Variants in DYM observed in about 807,000 individuals in gnomAD.
DYM encodes the protein dyggve-Melchior-Clausen syndrome protein.
In DYM, 78 loss-of-function variants were observed where a neutral mutation model predicts 93.1. The ratio of observed to expected loss-of-function variants is 0.84; its 90% CI spans 0.70 to 1.01. The LOEUF is 1.01. Among genes scored for constraint, DYM ranks in the 50% least tolerant of loss-of-function variants. The pLI is 0.00. For missense variants in DYM, 789 were observed against 845.0 expected (o/e 0.93, Z 0.82); for synonymous variants, 321 against 319.7 (o/e 1.00, Z -0.04).
chr18:49,045,212 TGAAA>T (rs890111178), intron 17 of DYM, among the ~76,000 whole-genome samples: 3 of 152,128 alleles, frequency 2.0e-5, no homozygotes, highest in African/African-American at 7.2e-5. Flanking sequence ...AAGAGGGGGC[TGAAA>T]GAGAGGAAAC....
intron 5 of DYM, among the ~76,000 whole-genome samples, chr18:49,376,421 C>A (rs2067514302): frequency 1.3e-5 from 2 of 152,096 alleles, no homozygotes. Context: ...AAACAGAAAA[C>A]AAAAGATTGC....
intron 15 of DYM, among the ~76,000 whole-genome samples, chr18:49,124,268 A>G (rs2082625109): frequency 1.3e-5 from 2 of 152,034 alleles, no homozygotes; most frequent in Admixed American, 1.3e-4. Context: ...ATTTGGGGAG[A>G]CTGAGGCAGG....
chr18:49,156,755 A>AG (rs2086498922), intron 15 of DYM, among the ~76,000 whole-genome samples: 1 of 147,460 alleles, frequency 6.8e-6, no homozygotes, highest in African/African-American at 2.5e-5. Flanking sequence ...AAAAAAAAAA[A>AG]GTGTGGAAGA....
At chr18:49,125,998 T>C (rs2082783648) in intron 15 of DYM, among the ~76,000 whole-genome samples, 1 of 152,250 alleles carries the variant, frequency 6.6e-6, no homozygotes, top group Non-Finnish European at 1.5e-5. Flanking sequence ...CTTTGCTAGA[T>C]GTCTAGCATT....
At chr18:49,377,593 T>G (rs997771021) in intron 5 of DYM, among the ~76,000 whole-genome samples, 3 of 151,988 alleles carry the variant, frequency 2.0e-5, no homozygotes, top group Non-Finnish European at 2.9e-5. Context: ...AAATAAAAAT[T>G]CTATAATAGA....
rs561186729 is a variant in DYM at position 49,206,886 on chromosome 18, A to G, written c.1625+2665T>C. On this transcript the variant is annotated intron_variant, in intron 14 of 17. Transcript: ENST00000675505. ...GGGTAAGGAAGGAGGGGGTTCCAGG[A>G]AAGGTGTTGAAAGAGGAAACAGAAA... Among the ~76,000 whole-genome samples the G allele has an allele frequency of 3.9e-5, 6 of 152,316 alleles. No homozygotes were observed. In the East Asian group the frequency reaches 9.6e-4, roughly 24 times the overall value.
At chr18:49,282,806 T>C (rs1258501554) in intron 9 of DYM, among the ~76,000 whole-genome samples, 1 of 152,122 alleles carries the variant, frequency 6.6e-6, no homozygotes, top group East Asian at 1.9e-4. Flanking sequence ...ATAAAATACT[T>C]TGTTACCAAA....
At chr18:49,081,718 T>C (rs1236031465) in intron 17 of DYM, among the ~76,000 whole-genome samples, 1 of 152,228 alleles carries the variant, frequency 6.6e-6, no homozygotes, top group Non-Finnish European at 1.5e-5. Flanking sequence ...AGGATTCCTT[T>C]CTCTGACTCT....
At chr18:49,237,242 A>G (rs887496919) in intron 13 of DYM, among the ~76,000 whole-genome samples, 1 of 152,118 alleles carries the variant, frequency 6.6e-6, no homozygotes, top group African/African-American at 2.4e-5. Context: ...GCATGAGTGA[A>G]TATTTTCTTT....
chr18:49,440,374 CATATTA>C lies in DYM; in HGVS notation c.-53-9933_-53-9928del. Among the ~76,000 whole-genome samples the C allele has an allele frequency of 1.7e-5, 2 of 121,144 alleles. 1 individual carries two copies. Among genetic ancestry groups the C allele is most frequent in the Admixed American group, 1.9e-4 (2 of 10,528 alleles). The allele number at this position is 121,144 out of a possible 152,430, so 79.5% of individuals were successfully genotyped here. The stretch of plus-strand genomic sequence containing the variant: ...ATATAGTATATGATATATAATATAG[CATATTA>C]TATATGATATATAATATAGCATATT... On this transcript the variant is annotated intron_variant, in intron 1 of 17. Coordinates refer to ENST00000675505, the MANE Select transcript of DYM (RefSeq NM_001353214.3).
intron 8 of DYM, among the ~76,000 whole-genome samples, chr18:49,329,142 G>T (rs2063132479): frequency 6.6e-6 from 1 of 152,084 alleles, no homozygotes; most frequent in Admixed American, 6.6e-5. Flanking sequence ...CAGGGACATG[G>T]ATGAAGCTGG....
intron 5 of DYM, among the ~76,000 whole-genome samples, chr18:49,366,265 A>G (rs2066510386): frequency 6.6e-6 from 1 of 152,328 alleles, no homozygotes; most frequent in Admixed American, 6.5e-5. Context: ...ATAAGGCCAA[A>G]TATCTTCCTT....
intron 15 of DYM, among the ~76,000 whole-genome samples, chr18:49,132,538 T>A (rs1600000546): frequency 6.6e-6 from 1 of 152,148 alleles, no homozygotes; most frequent in African/African-American, 2.4e-5. Context: ...CTTCAAGGAA[T>A]ATATAATTAC....
intron 2 of DYM, 140 bp from the exon 3 acceptor site, chr18:49,391,785 C>CA (rs570963392): frequency 0.013 from 6,681 of 530,224 alleles, 1 homozygote; most frequent in Middle Eastern, 0.017. Flanking sequence ...ATAAGATCAG[C>CA]AAAAAAAAAA....
chr18:49,407,194 G>GGGATGGGGAGGAGA (rs1165131790), intron 2 of DYM, among the ~76,000 whole-genome samples: 5 of 152,184 alleles, frequency 3.3e-5, no homozygotes, highest in Non-Finnish European at 5.9e-5. Context: ...ATTAGGGATG[G>GGGATGGGGAGGAGA]GGATGGGGAG....
At chr18:49,375,703 A>C (rs914557666) in intron 5 of DYM, 2 of 152,218 alleles carry the variant, frequency 1.3e-5, no homozygotes, top group African/African-American at 2.4e-5. Context: ...TGAAAGATGC[A>C]AAGTACTGTT....
chr18:49,136,156 C>T (rs1331410611), intron 15 of DYM, among the ~76,000 whole-genome samples: 1 of 152,196 alleles, frequency 6.6e-6, no homozygotes, highest in Non-Finnish European at 1.5e-5. Flanking sequence ...AGGAGGCAAT[C>T]CTGTATTAAA....
intron 17 of DYM, among the ~76,000 whole-genome samples, chr18:49,079,764 C>T (rs2077636080): frequency 6.6e-6 from 1 of 152,038 alleles, no homozygotes; most frequent in African/African-American, 2.4e-5. Flanking sequence ...AAGAATTTAT[C>T]TTAGTACAGA....
At chr18:49,382,785 G>C (rs1382733135) in intron 3 of DYM, among the ~76,000 whole-genome samples, 1 of 152,208 alleles carries the variant, frequency 6.6e-6, no homozygotes, top group Non-Finnish European at 1.5e-5. Flanking sequence ...ACTTGTAGCA[G>C]TCTGTTAACT....
Sources: gnomAD v4.1 joint callset for allele counts (sites outside exome capture counted in the v4.1 genomes callset) on GRCh38, gnomAD v4.1.1 for gene constraint, MANE v1.5 for transcripts, NCBI Gene and HGNC (gene_info 2026-07-23, HGNC 2026-07-21) for gene names.